The following RUFY2 variants were observed in gnomAD, a reference collection of about 807,000 sequenced individuals.
RUFY2 encodes RUN and FYVE domain containing 2.
RUFY2 carries 49 observed loss-of-function variants against 94.4 expected under a neutral mutation model. The observed-to-expected ratio is 0.52, with a 90% CI of 0.41 to 0.66. RUFY2 has a LOEUF of 0.66. Ranked by LOEUF, RUFY2 falls within the 30% of genes least tolerant of loss-of-function variation. The probability of loss-of-function intolerance (pLI) is 0.00; values close to 1 mark genes in which losing one functional copy is unlikely to be tolerated. For synonymous variants in RUFY2, 255 were observed against 235.7 expected (o/e 1.08, Z -0.75); for missense variants, 541 against 692.8 (o/e 0.78, Z 2.46).
intron 16 of RUFY2, among the ~76,000 whole-genome samples, chr10:68,350,157 A>C (rs1481049919): frequency 6.6e-6 from 1 of 151,878 alleles, no homozygotes; most frequent in African/African-American, 2.4e-5. Context: ...CTACAGGCGC[A>C]CACCACCATG....
At chr10:68,405,467 T>G in intron 1 of RUFY2, 1 of 977,124 alleles carries the variant, frequency 1.0e-6, no homozygotes, top group Non-Finnish European at 1.2e-6. Flanking sequence ...AATGAGTTTT[T>G]TAAAATGATC....
chr10:68,406,971 CG>C (rs1463068947), intron 1 of RUFY2: 1 of 1,536,618 alleles, frequency 6.5e-7, no homozygotes, highest in Non-Finnish European at 8.8e-7. Flanking sequence ...CCTCAGAACC[CG>C]GGCGGGAACG....
rs555621729 is a variant in RUFY2 at position 68,379,987 on chromosome 10, C to T, written c.1108-466G>A. Among the ~76,000 whole-genome samples the T allele has an allele frequency of 5.4e-3, 823 of 151,164 alleles. 2 individuals carry two copies. Among genetic ancestry groups the T allele is most frequent in the Admixed American group, 0.011 (161 of 15,226 alleles). Reference sequence around the variant, plus strand: ...TGCGCCCAGCTAATTTTTTTGTATTCTTAGTAGAGACAGGGTTTCACTGTG... The same window carrying T: ...TGCGCCCAGCTAATTTTTTTGTATTTTTAGTAGAGACAGGGTTTCACTGTG... On this transcript the variant is annotated intron_variant, in intron 11 of 17. Coordinates refer to ENST00000602465, the MANE Select transcript of RUFY2 (RefSeq NM_001330103.2).
chr10:68,341,636 G>A (rs1482749912), downstream of RUFY2: 1 of 1,613,696 alleles, frequency 6.2e-7, no homozygotes, highest in Non-Finnish European at 8.5e-7. Flanking sequence ...GGCGGCTCTG[G>A]CATGGGAGGT....
chr10:68,388,153 A>T (rs1306735551), intron 7 of RUFY2, among the ~76,000 whole-genome samples: 2 of 151,874 alleles, frequency 1.3e-5, no homozygotes, highest in Non-Finnish European at 2.9e-5. Flanking sequence ...CCTCAATAGT[A>T]GTTTTGAGTG....
intron 13 of RUFY2, among the ~76,000 whole-genome samples, chr10:68,372,092 A>T (rs1464489727): frequency 1.3e-5 from 2 of 152,192 alleles, no homozygotes; most frequent in African/African-American, 2.4e-5. Flanking sequence ...AGCCTGAGCA[A>T]CATAATAAGA....
At chr10:68,374,631 G>C (rs532804527) in intron 13 of RUFY2, among the ~76,000 whole-genome samples, 10 of 152,060 alleles carry the variant, frequency 6.6e-5, no homozygotes, top group Non-Finnish European at 1.2e-4. Context: ...AATCACCAAG[G>C]ACAGAGAAGA....
At chr10:68,358,175 G>A (rs936910454) in intron 15 of RUFY2, among the ~76,000 whole-genome samples, 17 of 152,062 alleles carry the variant, frequency 1.1e-4, no homozygotes, top group Admixed American at 5.2e-4. Context: ...GCAACAGAGC[G>A]AGACTCTTAT....
intron 16 of RUFY2, among the ~76,000 whole-genome samples, chr10:68,350,824 T>G (rs1005546554): frequency 6.6e-6 from 1 of 152,020 alleles, no homozygotes; most frequent in African/African-American, 2.4e-5. Flanking sequence ...GCAATTCTCC[T>G]GCCTCAGCCT....
In RUFY2 at chr10:68,404,665, T is replaced by A. The variant is rs749349167; in HGVS notation, c.178+6A>T. The A allele has an allele frequency of 2.0e-5, 31 of 1,528,502 alleles. No individual in the cohort carries two copies. The highest frequency in any genetic ancestry group is 2.7e-5 in the Non-Finnish European group (31 of 1,137,650). The allele number at this position is 1,528,502 out of a possible 1,614,324, so 94.7% of individuals were successfully genotyped here. On this transcript the variant is annotated splice_donor_region_variant and intron_variant, in intron 2 of 17. Coordinates refer to ENST00000602465, the MANE Select transcript of RUFY2 (RefSeq NM_001330103.2). ...AATGAATTAATTTTTTAAAATCTCA[T>A]GATACCTTTAAGACCGTGTTTCAGG...
chr10:68,349,533 T>A (rs2046513606), intron 16 of RUFY2, among the ~76,000 whole-genome samples: 1 of 151,650 alleles, frequency 6.6e-6, no homozygotes, highest in Non-Finnish European at 1.5e-5. Context: ...AATTTTTTTT[T>A]AAAGAAAAAA....
chr10:68,346,612 A>T lies in RUFY2; in HGVS notation c.1600-528T>A, dbSNP rs971076770. On this transcript the variant is annotated intron_variant, in intron 16 of 17. Coordinates refer to ENST00000602465, the MANE Select transcript of RUFY2 (RefSeq NM_001330103.2). ...GGAAAAGAACCTTAAAGATGAAAAAAACCTTAAAATAGTACAACAACATTT... is the reference window on the plus strand; with the variant it reads ...GGAAAAGAACCTTAAAGATGAAAAATACCTTAAAATAGTACAACAACATTT... 2.0e-5 allele frequency: 3 copies of T among 152,472 alleles called. 1 individual carries two copies. Among genetic ancestry groups the T allele is most frequent in the African/African-American group, 7.2e-5 (3 of 41,444 alleles). The allele number at this position is 152,472 out of a possible 1,614,324, so 9.4% of individuals were successfully genotyped here.
chr10:68,346,207 C>A, intron 16 of RUFY2, 123 bp from the exon 17 acceptor site: 1 of 734,902 alleles, frequency 1.4e-6, no homozygotes, highest in Non-Finnish European at 2.2e-6. Context: ...AAGTTATTTT[C>A]TTTGAGAGAT....
chr10:68,360,734 C>T (rs568849765), intron 15 of RUFY2, among the ~76,000 whole-genome samples: 7 of 150,650 alleles, frequency 4.6e-5, no homozygotes, highest in African/African-American at 7.3e-5. Context: ...GGCGACAGAG[C>T]GAGACTCCAT....
rs763106577 is a variant in RUFY2 at position 68,383,819 on chromosome 10, T to G, written c.918A>C (p.Arg306=). Residue 306 remains arginine, a synonymous_variant, in exon 10 of 18, where the codon CGA becomes CGC. Transcript: ENST00000602465. ...CTACCTGTCGTAACTGAGATTCATC[T>G]CGAAGCTGCCTTCTGGCTTCATTGT... ...EMYNEARRQL[R]DESQLRQDVE... 42 of 1,612,596 alleles carry G rather than the reference T, an allele frequency of 2.6e-5. No individual in the cohort carries two copies. Among genetic ancestry groups the G allele is most frequent in the Admixed American group, 3.3e-5 (2 of 59,976 alleles).
chr10:68,354,239 T>C (rs2046894754), intron 16 of RUFY2, among the ~76,000 whole-genome samples: 1 of 152,274 alleles, frequency 6.6e-6, no homozygotes, highest in Admixed American at 6.5e-5. Flanking sequence ...GTAAGTAGCA[T>C]GATCAAGGCT....
In RUFY2 at chr10:68,345,653, T is replaced by C; in HGVS notation, c.*115A>G. On this transcript the variant is annotated 3_prime_UTR_variant, in exon 18 of 18. Coordinates refer to ENST00000602465, the MANE Select transcript of RUFY2 (RefSeq NM_001330103.2). ...TGAGCTGAATATGTAGAAGATAAAC[T>C]GGTACCAAATACTGACCGAAAGCCG... 1.2e-6 allele frequency: 1 copy of C among 805,498 alleles called. No homozygotes were observed. 49.9% of individuals were successfully genotyped at this position (805,498 alleles called of 1,614,324 possible). A position where few individuals can be genotyped will look rare whatever the true frequency, so the allele number is the denominator to read the frequency against.
intron 6 of RUFY2, 164 bp downstream of exon 6, chr10:68,393,911 T>C: frequency 7.3e-7 from 1 of 1,370,092 alleles, no homozygotes; most frequent in African/African-American, 1.5e-5. Flanking sequence ...TGATTTTCCA[T>C]AATCTGCTTT....
chr10:68,341,521 T>C, downstream of RUFY2: 1 of 1,184,170 alleles, frequency 8.4e-7, no homozygotes, highest in Non-Finnish European at 1.2e-6. Context: ...TTTACAAAGC[T>C]TGTATTGATG....
Sources: allele counts gnomAD v4.1 joint callset (sites outside exome capture counted in the v4.1 genomes callset), GRCh38; gene constraint gnomAD v4.1.1; transcripts MANE v1.5; gene names NCBI Gene and HGNC (gene_info 2026-07-23, HGNC 2026-07-21).